The following TUBGCP3 variants were observed in gnomAD, a reference collection of about 807,000 sequenced individuals.
The protein encoded by TUBGCP3 is gamma-tubulin complex component 3.
Under a neutral mutation model 123.1 loss-of-function variants are expected in TUBGCP3, and 50 were observed. The observed-to-expected ratio is 0.41, with a 90% CI of 0.32 to 0.51. The LOEUF is 0.51. Ranked by LOEUF, TUBGCP3 falls within the 20% of genes least tolerant of loss-of-function variation. The pLI is 0.36. For missense variants in TUBGCP3, 882 were observed against 1,127.0 expected (o/e 0.78, Z 3.11); for synonymous variants, 405 against 413.9 (o/e 0.98, Z 0.26).
At chr13:112,542,263 T>C (rs542845723) in intron 11 of TUBGCP3, among the ~76,000 whole-genome samples, 21 of 152,258 alleles carry the variant, frequency 1.4e-4, no homozygotes, top group Non-Finnish European at 1.9e-4. Flanking sequence ...ACTTGGCTTA[T>C]TGTGATAATG....
chr13:112,570,304 A>T (rs986768310), intron 1 of TUBGCP3, among the ~76,000 whole-genome samples: 1 of 152,228 alleles, frequency 6.6e-6, no homozygotes, highest in African/African-American at 2.4e-5. Flanking sequence ...ATGAGTGGGG[A>T]TCCCCAACAA....
intron 1 of TUBGCP3, among the ~76,000 whole-genome samples, chr13:112,579,998 G>GA (rs1935218484): frequency 6.6e-6 from 1 of 152,216 alleles, no homozygotes; most frequent in African/African-American, 2.4e-5. Flanking sequence ...ACTCTGCAAT[G>GA]AAAAGGTGAA....
chr13:112,591,527 C>T (rs1421415006), upstream of TUBGCP3, among the ~76,000 whole-genome samples: 1 of 152,218 alleles, frequency 6.6e-6, no homozygotes, highest in East Asian at 1.9e-4. Context: ...TTGCAGTAGG[C>T]TTGGGCCTGT....
chr13:112,533,971 C>CCT (rs1436155438), intron 11 of TUBGCP3, among the ~76,000 whole-genome samples: 3 of 151,996 alleles, frequency 2.0e-5, no homozygotes, highest in Non-Finnish European at 4.4e-5. Context: ...CCCTTCCCAC[C>CCT]CTTTCCCTCC....
At chr13:112,521,356 G>A (rs950167910) in intron 14 of TUBGCP3, among the ~76,000 whole-genome samples, 3 of 152,194 alleles carry the variant, frequency 2.0e-5, no homozygotes, top group Non-Finnish European at 4.4e-5. Flanking sequence ...GTTTTCACAC[G>A]GGAGACTGGC....
chr13:112,525,715 T>C (rs1189011388), intron 13 of TUBGCP3, among the ~76,000 whole-genome samples: 1 of 152,190 alleles, frequency 6.6e-6, no homozygotes, highest in Admixed American at 6.5e-5. Context: ...TCATGCGACA[T>C]TCTGAATGCA....
intron 11 of TUBGCP3, among the ~76,000 whole-genome samples, chr13:112,531,452 G>A (rs1057001292): frequency 2.0e-5 from 3 of 152,172 alleles, no homozygotes; most frequent in African/African-American, 7.2e-5. Flanking sequence ...TCTCGGCAGT[G>A]ACGAAGTCAC....
chr13:112,500,423 C>T (rs943819329), intron 19 of TUBGCP3, among the ~76,000 whole-genome samples: 6 of 152,072 alleles, frequency 3.9e-5, no homozygotes, highest in African/African-American at 4.8e-5. Flanking sequence ...CACTCCGAAG[C>T]GTGAAAAAGA....
rs763991224 is a variant in TUBGCP3, at chr13:112,558,252, G to A, written c.492C>T (p.Ser164=). 1 of 1,612,678 alleles carries A rather than the reference G, an allele frequency of 6.2e-7. No homozygotes were observed. Among genetic ancestry groups the A allele is most frequent in the South Asian group, 1.1e-5 (1 of 90,990 alleles). ...GGCCACTGAGGGCACACAGGCCAAT[G>A]CTGCTGATGCCACTGCTGCCCACGC... is the stretch of plus-strand genomic sequence containing the variant. ...SGSVGSSGIS[S]IGLCALSGPA... Residue 164 remains serine, a synonymous_variant, in exon 5 of 22, where the codon AGC becomes AGT. Transcript: ENST00000261965.
chr13:112,520,331 C>A (rs1011275702), intron 14 of TUBGCP3, among the ~76,000 whole-genome samples: 1 of 152,236 alleles, frequency 6.6e-6, no homozygotes, highest in Admixed American at 6.5e-5. Flanking sequence ...GAGTTTGAGA[C>A]CAGCCTGGCC....
intron 2 of TUBGCP3, 142 bp from the exon 3 acceptor site, chr13:112,565,320 T>C (rs1160619364): frequency 1.5e-6 from 1 of 672,132 alleles, no homozygotes; most frequent in Non-Finnish European, 2.6e-6. Flanking sequence ...GATGAGCAAC[T>C]TTTAAGCTCT....
In TUBGCP3 at chr13:112,522,387, G is replaced by C. The variant is rs1876698646; in HGVS notation, c.1678C>G (p.Gln560Glu). Reference sequence around the variant, plus strand: ...AGAAGCAGGTACCGCCTCATTGCCTGCATGTGGTCCAGCAAGCTGTACTTT... The same window carrying C: ...AGAAGCAGGTACCGCCTCATTGCCTCCATGTGGTCCAGCAAGCTGTACTTT... Reference protein sequence around the residue: ...NKKYSLLDHMQAMRRYLLLGQ... With the variant: ...NKKYSLLDHMEAMRRYLLLGQ... The change falls in exon 14 of 22, where the codon CAG (glutamine) becomes GAG (glutamate). Residue 560 changes from glutamine (Q) to glutamate (E), a missense_variant. This residue lies in a region of TUBGCP3 where 713 missense variants were observed against 874.0 expected (regional missense o/e 0.82). Transcript: ENST00000261965. 1 of 1,613,854 alleles carries C rather than the reference G, an allele frequency of 6.2e-7. No individual in the cohort carries two copies. The highest frequency in any genetic ancestry group is 8.5e-7 in the Non-Finnish European group (1 of 1,179,872).
Position 112,550,903 on chromosome 13 carries a change from C to G in TUBGCP3, c.967-2727G>C, listed in dbSNP as rs147006982. Among the ~76,000 whole-genome samples, 32 of 152,246 alleles carry G rather than the reference C, an allele frequency of 2.1e-4. No homozygotes were observed. In the East Asian group the frequency reaches 5.6e-3, roughly 27 times the overall value. On this transcript the variant is annotated intron_variant, in intron 8 of 21. Coordinates refer to ENST00000261965, the MANE Select transcript of TUBGCP3 (RefSeq NM_006322.6). The stretch of plus-strand genomic sequence containing the variant: ...CATGAGGTCAGGAGATTAAGACCAT[C>G]CTGGCTAACACAGTGAAACCCCGTC...
At chr13:112,542,695 C>T (rs1308867615) in intron 11 of TUBGCP3, among the ~76,000 whole-genome samples, 1 of 152,066 alleles carries the variant, frequency 6.6e-6, no homozygotes, top group East Asian at 1.9e-4. Flanking sequence ...TGTCAGAGGT[C>T]AGTATAAAGT....
chr13:112,544,243 G>A (rs932358732), intron 11 of TUBGCP3, among the ~76,000 whole-genome samples: 2 of 152,072 alleles, frequency 1.3e-5, no homozygotes, highest in East Asian at 1.9e-4. Flanking sequence ...CACAAGGTCA[G>A]GAGATCGAGA....
chr13:112,580,771 TCC>T lies in TUBGCP3; in HGVS notation c.76+7132_76+7133del. Reference sequence around the variant, plus strand: ...CAGAATATCTATATCTGACTGATGATCCAAGAGTTCAGGAATAGAAGCGTAAG... The same window carrying T: ...CAGAATATCTATATCTGACTGATGATAAGAGTTCAGGAATAGAAGCGTAAG... On this transcript the variant is annotated intron_variant, in intron 1 of 21. Transcript: ENST00000261965. Among the ~76,000 whole-genome samples, 7 of 152,314 alleles carry T rather than the reference TCC, an allele frequency of 4.6e-5. 2 individuals are homozygous for T. Among genetic ancestry groups the T allele is most frequent in the Admixed American group, 4.6e-4 (7 of 15,294 alleles).
At chr13:112,572,059 T>C (rs1881440045) in intron 1 of TUBGCP3, among the ~76,000 whole-genome samples, 1 of 152,238 alleles carries the variant, frequency 6.6e-6, no homozygotes, top group East Asian at 1.9e-4. Flanking sequence ...TTTATTACTC[T>C]TGTGTTCACT....
upstream of TUBGCP3, among the ~76,000 whole-genome samples, chr13:112,593,060 C>T (rs1441033464): frequency 6.6e-6 from 1 of 152,124 alleles, no homozygotes; most frequent in Admixed American, 6.5e-5. Context: ...TTTAAGCTTC[C>T]GCACCAGGAA....
intron 3 of TUBGCP3, among the ~76,000 whole-genome samples, chr13:112,562,731 C>A (rs1880616249): frequency 6.6e-6 from 1 of 152,214 alleles, no homozygotes; most frequent in African/African-American, 2.4e-5. Context: ...CCTGCCACCT[C>A]AGACTCTGAA....
Sources: allele counts gnomAD v4.1 joint callset (sites outside exome capture counted in the v4.1 genomes callset), GRCh38; gene constraint gnomAD v4.1.1; regional missense constraint gnomAD v4.1.1; transcripts MANE v1.5; gene names NCBI Gene and HGNC (gene_info 2026-07-23, HGNC 2026-07-21).